CTBP2: variants seen among roughly 807,000 people sequenced by gnomAD.
The protein encoded by CTBP2 is C-terminal binding protein 2.
In CTBP2, 30 loss-of-function variants were observed where a neutral mutation model predicts 80.3. The ratio of observed to expected loss-of-function variants is 0.37; its 90% CI spans 0.28 to 0.51. The LOEUF (loss-of-function observed/expected upper bound fraction) is 0.51, where lower values mean the gene tolerates loss of function less well. Among genes scored for constraint, CTBP2 ranks in the 20% least tolerant of loss-of-function variants. The pLI is 0.93. For missense variants in CTBP2, 1,212 were observed against 1,375.3 expected (o/e 0.88, Z 1.88); for synonymous variants, 594 against 587.4 (o/e 1.01, Z -0.16).
At chr10:125,045,710 C>CA (rs1491146453) in intron 2 of CTBP2, among the ~76,000 whole-genome samples, 5 of 151,896 alleles carry the variant, frequency 3.3e-5, no homozygotes, top group African/African-American at 1.2e-4. Context: ...AGGCTGGTCT[C>CA]AAACTCCTGA....
chr10:125,098,606 T>C (rs1849923704), intron 2 of CTBP2, among the ~76,000 whole-genome samples: 1 of 142,892 alleles, frequency 7.0e-6, no homozygotes, highest in Non-Finnish European at 1.5e-5. Flanking sequence ...ACAGTGCCAA[T>C]GACGCAGCCT....
At chr10:125,019,598 AAG>A (rs1258836920) in intron 1 of CTBP2, among the ~76,000 whole-genome samples, 10 of 152,240 alleles carry the variant, frequency 6.6e-5, no homozygotes, top group Middle Eastern at 3.4e-3. Flanking sequence ...GCAAAGCACA[AAG>A]CAAACACTGG....
intron 1 of CTBP2, among the ~76,000 whole-genome samples, chr10:125,138,417 A>C (rs942105021): frequency 6.6e-6 from 1 of 152,104 alleles, no homozygotes; most frequent in African/African-American, 2.4e-5. Flanking sequence ...GCTGTGTTTG[A>C]CTTGAAACAC....
chr10:125,131,542 C>T (rs1248429279), intron 1 of CTBP2, among the ~76,000 whole-genome samples: 1 of 152,160 alleles, frequency 6.6e-6, no homozygotes, highest in East Asian at 1.9e-4. Flanking sequence ...TCTATCTAAC[C>T]CAAGCAAGTG....
At position 125,026,677 on chromosome 10, in the gene CTBP2, C is replaced by A; in HGVS notation, c.1083G>T (p.Gly361=). The A allele has an allele frequency of 6.2e-7, 1 of 1,607,988 alleles. No individual in the cohort carries two copies. Among genetic ancestry groups the A allele is most frequent in the Non-Finnish European group, 8.5e-7 (1 of 1,177,778 alleles). ...TGGACCGCGCCCGGGGCAGCGGGCC[C>A]CCCCGGTCCTGCCTCCGCAGCTGCA... Residue 361 remains glycine (G), a synonymous_variant, in exon 1 of 9, where the codon GGG becomes GGT. Coordinates refer to ENST00000309035, the MANE Select transcript of CTBP2 (RefSeq NM_022802.3).
rs139864950 is a variant in CTBP2 at position 124,994,159 on chromosome 10, C to T, written c.2401-174G>A. Among the ~76,000 whole-genome samples, 50 of 152,334 alleles carry T rather than the reference C, an allele frequency of 3.3e-4. No homozygotes were observed. In the East Asian group the frequency reaches 7.1e-3, roughly 22 times the overall value. On this transcript the variant is annotated intron_variant, in intron 5 of 8. Coordinates refer to ENST00000309035, the MANE Select transcript of CTBP2 (RefSeq NM_022802.3). ...GTTGGTGACGGCTGGAAGCCAGGGC[C>T]GTTGCTGCTGATCCTGAGAGGAAGC... is the stretch of plus-strand genomic sequence containing the variant.
chr10:125,133,801 G>T (rs1282930066), intron 1 of CTBP2, among the ~76,000 whole-genome samples: 2 of 152,206 alleles, frequency 1.3e-5, no homozygotes, highest in African/African-American at 4.8e-5. Flanking sequence ...GCCTAAAGCA[G>T]AAGTATACCA....
At chr10:125,159,401 C>T (rs1006822000) in intron 1 of CTBP2, among the ~76,000 whole-genome samples, 1 of 144,670 alleles carries the variant, frequency 6.9e-6, no homozygotes, top group Non-Finnish European at 1.5e-5. Flanking sequence ...GAGGAAATGC[C>T]CGGCCCGCCC....
At chr10:125,141,027 A>G (rs776999131) in intron 1 of CTBP2, among the ~76,000 whole-genome samples, 3 of 151,236 alleles carry the variant, frequency 2.0e-5, no homozygotes, top group Non-Finnish European at 4.4e-5. Flanking sequence ...AATCCCGGCT[A>G]CTCGGGAGGC....
intron 2 of CTBP2, among the ~76,000 whole-genome samples, chr10:125,083,233 A>G (rs1423670032): frequency 6.6e-6 from 1 of 152,220 alleles, no homozygotes; most frequent in Non-Finnish European, 1.5e-5. Flanking sequence ...GCCAGCACGC[A>G]TTCTCAACAT....
intron 2 of CTBP2, among the ~76,000 whole-genome samples, chr10:125,057,002 G>T (rs985253341): frequency 9.9e-5 from 15 of 152,174 alleles, no homozygotes; most frequent in African/African-American, 3.1e-4. Context: ...TGTCCCCGGG[G>T]TACACAGGGC....
chr10:125,094,472 CAGGG>C (rs1430689634), intron 2 of CTBP2, among the ~76,000 whole-genome samples: 1 of 152,206 alleles, frequency 6.6e-6, no homozygotes, highest in African/African-American at 2.4e-5. Flanking sequence ...TTACGCACCT[CAGGG>C]AGGACGCTCC....
chr10:125,030,766 G>A (rs952943638), upstream of CTBP2, among the ~76,000 whole-genome samples: 4 of 152,188 alleles, frequency 2.6e-5, no homozygotes, highest in Admixed American at 6.5e-5. Context: ...TGCCAGGTTT[G>A]TCTCAAGGCC....
Position 125,003,604 on chromosome 10 carries a change from G to T in CTBP2, c.1679-112C>A, listed in dbSNP as rs2134281553. Reference sequence around the variant, plus strand: ...GGCAGGGCTTGGGCAAGCGAGGGTGGCGGAGCAGCGAGGGCACCGCCTCCA... The same window carrying T: ...GGCAGGGCTTGGGCAAGCGAGGGTGTCGGAGCAGCGAGGGCACCGCCTCCA... On this transcript the variant is annotated intron_variant, in intron 1 of 8. Coordinates refer to ENST00000309035, the MANE Select transcript of CTBP2 (RefSeq NM_022802.3). 4 of 839,532 alleles carry T rather than the reference G, an allele frequency of 4.8e-6. No individual in the cohort carries two copies. The East Asian group carries it at 1.2e-4, about 25-fold the overall frequency. 52.0% of individuals were successfully genotyped at this position (839,532 alleles called of 1,614,324 possible).
chr10:125,144,291 T>C (rs1219851345), intron 1 of CTBP2, among the ~76,000 whole-genome samples: 1 of 152,194 alleles, frequency 6.6e-6, no homozygotes, highest in Admixed American at 6.5e-5. Context: ...ACAACCATTC[T>C]CTGGACGGCC....
intron 2 of CTBP2, among the ~76,000 whole-genome samples, chr10:125,043,834 T>C (rs978060314): frequency 6.6e-6 from 1 of 152,242 alleles, no homozygotes; most frequent in Non-Finnish European, 1.5e-5. Flanking sequence ...AGTGCCTTTC[T>C]TCAAAATGAA....
chr10:125,099,809 G>A (rs1350873588), intron 2 of CTBP2, among the ~76,000 whole-genome samples: 5 of 152,198 alleles, frequency 3.3e-5, no homozygotes, highest in Non-Finnish European at 5.9e-5. Flanking sequence ...AGGCTAGGAC[G>A]GAGTAGGGAT....
intron 3 of CTBP2, among the ~76,000 whole-genome samples, chr10:125,037,716 C>T (rs1232958577): frequency 6.6e-6 from 1 of 152,212 alleles, no homozygotes; most frequent in Non-Finnish European, 1.5e-5. Context: ...CTAGACAATA[C>T]TGTCCCTGAG....
At chr10:125,044,080 T>C (rs1960598502) in intron 2 of CTBP2, among the ~76,000 whole-genome samples, 3 of 152,196 alleles carry the variant, frequency 2.0e-5, no homozygotes, top group Admixed American at 6.5e-5. Flanking sequence ...GGCGATCCAA[T>C]GCAGGAAGAA....
Sources: gnomAD v4.1 joint callset for allele counts (sites outside exome capture counted in the v4.1 genomes callset) on GRCh38, gnomAD v4.1.1 for gene constraint, MANE v1.5 for transcripts, NCBI Gene and HGNC (gene_info 2026-07-23, HGNC 2026-07-21) for gene names.